NOSIP: variants seen among roughly 807,000 people sequenced by gnomAD.
The protein encoded by NOSIP is nitric oxide synthase-interacting protein.
NOSIP carries 25 observed loss-of-function variants against 36.4 expected under a neutral mutation model. The observed-to-expected ratio is 0.69, with a 90% CI of 0.50 to 0.96. The LOEUF (loss-of-function observed/expected upper bound fraction) is 0.96, where lower values mean the gene tolerates loss of function less well. Ranked by LOEUF, NOSIP falls within the 40% of genes least tolerant of loss-of-function variation. NOSIP has a pLI of 0.00. For missense variants in NOSIP, 370 were observed against 429.0 expected (o/e 0.86, Z 1.21); for synonymous variants, 187 against 179.2 (o/e 1.04, Z -0.35).
intron 1 of NOSIP, among the ~76,000 whole-genome samples, chr19:49,579,678 G>A (rs1187093267): frequency 6.6e-6 from 1 of 152,086 alleles, no homozygotes; most frequent in Non-Finnish European, 1.5e-5. Context: ...GTAGATTCAC[G>A]AATAAATGCC....
chr19:49,556,494 G>A lies in NOSIP; in HGVS notation c.725+55C>T. On this transcript the variant is annotated intron_variant, in intron 7 of 8. Coordinates refer to ENST00000596358, the MANE Select transcript of NOSIP (RefSeq NM_001270960.2). ...CTGGGGACCTACTGGCCCCAAAGCCGGACCGCCCCGCAGGTTCCCGAGTGG... is the reference window on the plus strand; with the variant it reads ...CTGGGGACCTACTGGCCCCAAAGCCAGACCGCCCCGCAGGTTCCCGAGTGG... 4 of 1,608,202 alleles carry A rather than the reference G, an allele frequency of 2.5e-6. No individual in the cohort carries two copies. In the Admixed American group the frequency reaches 5.0e-5, roughly 20 times the overall value.
intron 1 of NOSIP, chr19:49,579,115 G>A (rs966135806): frequency 6.6e-6 from 1 of 152,090 alleles, no homozygotes; most frequent in South Asian, 2.1e-4. Flanking sequence ...TAAGAGAGAT[G>A]TAAAAGACGA....
At position 49,560,912 on chromosome 19, in the gene NOSIP, C is replaced by T. The variant is rs1431171314; in HGVS notation, c.-1-220G>A. Among the ~76,000 whole-genome samples, 4 of 152,088 alleles carry T rather than the reference C, an allele frequency of 2.6e-5. No homozygotes were observed. The South Asian group carries it at 6.2e-4, about 24-fold the overall frequency. On this transcript the variant is annotated intron_variant, in intron 1 of 8. Transcript: ENST00000596358. This position sits in a 1 kb window ranked among gnomAD's most constrained non-coding sequence, Gnocchi z 4.6. ...GACTCATTTATATGTGAAAATAGCACCTTTAACAACAAAACTCTTTGTTTG... is the reference window on the plus strand; with the variant it reads ...GACTCATTTATATGTGAAAATAGCATCTTTAACAACAAAACTCTTTGTTTG...
intron 1 of NOSIP, among the ~76,000 whole-genome samples, chr19:49,568,769 A>AC (rs1290176471): frequency 6.9e-6 from 1 of 145,014 alleles, no homozygotes; most frequent in Non-Finnish European, 1.5e-5. Context: ...ATATAGCTAG[A>AC]CCCCATCTCT....
rs1356782948 is a variant in NOSIP at position 49,560,153 on chromosome 19, A to G, written c.71-114T>C. 3 of 700,524 alleles carry G rather than the reference A, an allele frequency of 4.3e-6. No individual in the cohort carries two copies. The highest frequency in any genetic ancestry group is 7.3e-6 in the Non-Finnish European group (3 of 410,048). 43.4% of individuals were successfully genotyped at this position (700,524 alleles called of 1,614,324 possible). On this transcript the variant is annotated intron_variant, in intron 2 of 8. Coordinates refer to ENST00000596358, the MANE Select transcript of NOSIP (RefSeq NM_001270960.2). The surrounding 1 kb of genome is among the most constrained non-coding windows in gnomAD (Gnocchi z 4.6). The stretch of plus-strand genomic sequence containing the variant: ...ACGCGGTGGTGGGGGTGGGGGACTC[A>G]GAGAGAAACAGGCAGTTGGGAGCCG...
chr19:49,565,158 C>T (rs1169386054), intron 1 of NOSIP, among the ~76,000 whole-genome samples: 6 of 151,872 alleles, frequency 4.0e-5, no homozygotes, highest in African/African-American at 1.5e-4. Flanking sequence ...TGCCTGTAGT[C>T]GCAGCTACTT....
At chr19:49,564,338 C>T (rs1361561402) in intron 1 of NOSIP, among the ~76,000 whole-genome samples, 2 of 151,012 alleles carry the variant, frequency 1.3e-5, no homozygotes, top group African/African-American at 4.9e-5. Flanking sequence ...CCTGTAATCC[C>T]AGCTACTGGG....
At chr19:49,571,957 C>A (rs2080489698) in intron 1 of NOSIP, among the ~76,000 whole-genome samples, 1 of 136,584 alleles carries the variant, frequency 7.3e-6, no homozygotes, top group South Asian at 2.5e-4. Flanking sequence ...TGCACTTCAG[C>A]CTGGCGACAG....
At chr19:49,558,014 G>T in intron 4 of NOSIP, 1 of 791,228 alleles carries the variant, frequency 1.3e-6, no homozygotes, top group Non-Finnish European at 1.5e-6. Flanking sequence ...AACCAGGCAG[G>T]GGAAGAGGGG....
At chr19:49,565,740 A>G (rs1177200318) in intron 1 of NOSIP, among the ~76,000 whole-genome samples, 1 of 151,476 alleles carries the variant, frequency 6.6e-6, no homozygotes, top group Non-Finnish European at 1.5e-5. Flanking sequence ...CCTGGGCAAT[A>G]GAGTGAGAAC....
At chr19:49,574,711 C>T (rs2080528094) in intron 1 of NOSIP, among the ~76,000 whole-genome samples, 1 of 152,124 alleles carries the variant, frequency 6.6e-6, no homozygotes, top group African/African-American at 2.4e-5. Flanking sequence ...AGAAAGCTCT[C>T]TGGTGTCTCC....
At chr19:49,564,175 C>T (rs928318746) in intron 1 of NOSIP, among the ~76,000 whole-genome samples, 25 of 151,988 alleles carry the variant, frequency 1.6e-4, no homozygotes, top group Non-Finnish European at 2.8e-4. Context: ...CACTGAAGGC[C>T]GAGCACCGTG....
At chr19:49,579,983 C>T (rs760478690) in intron 1 of NOSIP, among the ~76,000 whole-genome samples, 51 of 150,394 alleles carry the variant, frequency 3.4e-4, no homozygotes, top group Non-Finnish European at 6.2e-4. Context: ...CTGCCTGACC[C>T]CGAAGCTCCA....
chr19:49,577,757 C>T (rs565992298), intron 1 of NOSIP, among the ~76,000 whole-genome samples: 40 of 86,352 alleles, frequency 4.6e-4, no homozygotes, highest in Non-Finnish European at 6.7e-4. Flanking sequence ...AGAGCAAGGC[C>T]GTGTCTCGGG....
intron 1 of NOSIP, among the ~76,000 whole-genome samples, chr19:49,577,177 C>G (rs1012371281): frequency 6.6e-6 from 1 of 152,158 alleles, no homozygotes; most frequent in Admixed American, 6.6e-5. Context: ...TAAAATGGTA[C>G]AGCCATTCTG....
intron 1 of NOSIP, among the ~76,000 whole-genome samples, chr19:49,571,983 C>CAA (rs35870721): frequency 0.065 from 3,673 of 56,844 alleles, 211 homozygotes; most frequent in South Asian, 0.093. Flanking sequence ...GACTCTGTCT[C>CAA]AAAAAAAAAA....
intron 4 of NOSIP, 23 bp downstream of exon 4, chr19:49,558,874 C>T (rs372577019): frequency 1.2e-5 from 19 of 1,601,188 alleles, no homozygotes; most frequent in African/African-American, 5.4e-5. Flanking sequence ...CTCCGTGTGC[C>T]GCCTCCTCCC....
At chr19:49,556,829 C>G (rs1027799623) in intron 6 of NOSIP, 46 bp downstream of exon 6, 4 of 1,597,816 alleles carry the variant, frequency 2.5e-6, no homozygotes, top group South Asian at 2.2e-5. Context: ...GGTGGGGAAC[C>G]CTGGCGCCCT....
chr19:49,573,165 G>C (rs1297596892), intron 1 of NOSIP, among the ~76,000 whole-genome samples: 1 of 152,122 alleles, frequency 6.6e-6, no homozygotes, highest in Non-Finnish European at 1.5e-5. Flanking sequence ...GAGTCCTACA[G>C]CTGTGTTTGA....
Sources: allele counts gnomAD v4.1 joint callset (sites outside exome capture counted in the v4.1 genomes callset), GRCh38; gene constraint gnomAD v4.1.1; non-coding constraint Gnocchi (gnomAD v3.1); transcripts MANE v1.5; gene names NCBI Gene and HGNC (gene_info 2026-07-23, HGNC 2026-07-21).